FAM20C: variants seen among roughly 807,000 people sequenced by gnomAD.
FAM20C encodes the protein extracellular serine/threonine protein kinase FAM20C.
FAM20C carries 40 observed loss-of-function variants against 51.5 expected under a neutral mutation model. The observed-to-expected ratio is 0.78, with a 90% CI of 0.60 to 1.01. The LOEUF is 1.01. Among genes scored for constraint, FAM20C ranks in the 50% least tolerant of loss-of-function variants. FAM20C has a pLI of 0.00. For synonymous variants in FAM20C, 406 were observed against 380.6 expected, an observed-to-expected ratio of 1.07 and a Z score of -0.78; for missense variants, 861 against 844.7, an observed-to-expected ratio of 1.02 and a Z score of -0.24.
intron 3 of FAM20C, among the ~76,000 whole-genome samples, chr7:243,938 A>ATTATTATTATT (rs1554254448): frequency 3.5e-5 from 4 of 113,190 alleles, no homozygotes; most frequent in Admixed American, 8.7e-5. Flanking sequence ...TAATAATAAT[A>ATTATTATTATT]ATAATAATTA....
intron 6 of FAM20C, 194 bp from the exon 7 acceptor site, chr7:256,460 G>A (rs951153562): frequency 1.5e-5 from 9 of 602,340 alleles, no homozygotes; most frequent in African/African-American, 5.6e-5. Context: ...GGGTCACCCC[G>A]AGGCAGGGCA....
intron 8 of FAM20C, among the ~76,000 whole-genome samples, chr7:257,867 T>TA (rs1788663695): frequency 3.2e-5 from 1 of 31,192 alleles, no homozygotes; most frequent in African/African-American, 1.6e-4. Flanking sequence ...GTGCTGGAGA[T>TA]GGGGCTGGGT....
In FAM20C at chr7:259,961, G is replaced by T. The variant is rs1309638659; in HGVS notation, c.1736G>T (p.Arg579Ile). The change falls in exon 10 of 10, where the codon AGA becomes ATA. Residue 579 changes from arginine (R) to isoleucine (I), a missense_variant. Around this residue, in one of 3 missense-constraint regions of FAM20C, gnomAD observed 269 missense variants for 283.8 expected, o/e 0.95. Coordinates refer to ENST00000313766, the MANE Select transcript of FAM20C (RefSeq NM_020223.4). ...GATGACGACCTGGACACTGAGCACA[G>T]AGCCGCCTCGGCGAGGTAGTGTCCG... The part of the protein sequence containing the change: ...VVDDDLDTEH[R>I]AASAR 2.9e-5 allele frequency: 44 copies of T among 1,519,316 alleles called. No individual in the cohort carries two copies. The highest frequency in any genetic ancestry group is 3.4e-5 in the Non-Finnish European group (38 of 1,133,568). 94.1% of individuals were successfully genotyped at this position (1,519,316 alleles called of 1,614,324 possible).
At chr7:232,941 C>T (rs1488996334) in intron 3 of FAM20C, among the ~76,000 whole-genome samples, 1 of 152,244 alleles carries the variant, frequency 6.6e-6, no homozygotes, top group Admixed American at 6.5e-5. Flanking sequence ...GCAGCCCCAG[C>T]CTTCCTGAGA....
intron 3 of FAM20C, among the ~76,000 whole-genome samples, chr7:210,833 C>T (rs917364207): frequency 2.0e-5 from 3 of 152,182 alleles, no homozygotes; most frequent in Non-Finnish European, 4.4e-5. Flanking sequence ...GGTTGGAGAA[C>T]GGTGACATTT....
At chr7:194,959 G>A (rs1328422501) in intron 1 of FAM20C, among the ~76,000 whole-genome samples, 1 of 152,198 alleles carries the variant, frequency 6.6e-6, no homozygotes, top group Non-Finnish European at 1.5e-5. Flanking sequence ...CGTGGGCGGC[G>A]GGTCCTCCAT....
At chr7:217,947 G>C (rs1327145161) in intron 3 of FAM20C, among the ~76,000 whole-genome samples, 1 of 152,124 alleles carries the variant, frequency 6.6e-6, no homozygotes. Flanking sequence ...TGATGTTCCT[G>C]TTCGATAAGC....
intron 2 of FAM20C, 131 bp downstream of exon 2, chr7:195,863 A>G (rs1554246400): frequency 1.1e-6 from 1 of 884,038 alleles, no homozygotes; most frequent in Non-Finnish European, 1.5e-6. Flanking sequence ...CTCCTGCAGC[A>G]ATCTGCACGG....
At chr7:241,234 C>T (rs1478071125) in intron 3 of FAM20C, among the ~76,000 whole-genome samples, 1 of 152,156 alleles carries the variant, frequency 6.6e-6, no homozygotes, top group African/African-American at 2.4e-5. Context: ...GGCCCGAGGG[C>T]CTCGGGAGCG....
intron 4 of FAM20C, among the ~76,000 whole-genome samples, chr7:248,026 G>T (rs921046871): frequency 6.6e-6 from 1 of 152,234 alleles, no homozygotes; most frequent in Non-Finnish European, 1.5e-5. Flanking sequence ...TTTAAATTTA[G>T]CCCTGGAATG....
intron 5 of FAM20C, among the ~76,000 whole-genome samples, chr7:249,777 T>C (rs1462414506): frequency 6.6e-6 from 1 of 152,136 alleles, no homozygotes; most frequent in Non-Finnish European, 1.5e-5. Flanking sequence ...CATTTGTGGC[T>C]CTGCCGAGGG....
chr7:231,938 G>T (rs562305583), intron 3 of FAM20C, among the ~76,000 whole-genome samples: 3 of 152,096 alleles, frequency 2.0e-5, no homozygotes, highest in African/African-American at 7.2e-5. Context: ...TCCATCCTCC[G>T]GCCCCAGCAC....
At chr7:203,140 G>A (rs867313139) in intron 2 of FAM20C, among the ~76,000 whole-genome samples, 4 of 152,168 alleles carry the variant, frequency 2.6e-5, no homozygotes, top group Non-Finnish European at 4.4e-5. Context: ...CGCCTCAGCC[G>A]GCTTCATGGG....
At position 212,101 on chromosome 7, in the gene FAM20C, T is replaced by C. The variant is rs541199635; in HGVS notation, c.863+3125T>C. Among the ~76,000 whole-genome samples, 304 of 152,346 alleles carry C rather than the reference T, an allele frequency of 2.0e-3. 1 individual carries two copies. The highest frequency in any genetic ancestry group is 7.0e-3 in the African/African-American group (290 of 41,592). ...ATCGTTTCTTCTTCCGCAGAGGCTG[T>C]GGTTTGCATACGAAAGCAGCTGTGG... On this transcript the variant is annotated intron_variant, in intron 3 of 9. Coordinates refer to ENST00000313766, the MANE Select transcript of FAM20C (RefSeq NM_020223.4).
rs1444112683 is a variant in FAM20C, at chr7:206,926, G to A, written c.785-1972G>A. Among the ~76,000 whole-genome samples the A allele has an allele frequency of 1.0e-4, 5 of 48,992 alleles. 2 individuals carry two copies. Among genetic ancestry groups the A allele is most frequent in the Non-Finnish European group, 1.1e-4 (3 of 26,522 alleles). 32.1% of individuals were successfully genotyped at this position (48,992 alleles called of 152,430 possible). A position where few individuals can be genotyped will look rare whatever the true frequency, so the allele number is the denominator to read the frequency against. On this transcript the variant is annotated intron_variant, in intron 2 of 9. Coordinates refer to ENST00000313766, the MANE Select transcript of FAM20C (RefSeq NM_020223.4). ...CGTCGGTCACTGTCCCCTCGGCCCC[G>A]CACACGTGTCCACTGTGAGGCGTCG...
chr7:200,586 G>A (rs1045452043), intron 2 of FAM20C, among the ~76,000 whole-genome samples: 7 of 152,240 alleles, frequency 4.6e-5, no homozygotes, highest in Non-Finnish European at 8.8e-5. Context: ...CGCACCTGCC[G>A]ACTTTCCTTC....
chr7:195,446 T>G (rs1205366462), intron 1 of FAM20C, 108 bp from the exon 2 acceptor site: 3 of 1,157,970 alleles, frequency 2.6e-6, no homozygotes, highest in African/African-American at 3.2e-5. Context: ...ACATCTGCAC[T>G]TGCTTGAACC....
At chr7:208,732 A>C (rs1022446084) in intron 2 of FAM20C, among the ~76,000 whole-genome samples, 166 bp from the exon 3 acceptor site, 1 of 152,180 alleles carries the variant, frequency 6.6e-6, no homozygotes, top group African/African-American at 2.4e-5. Context: ...AGAATCCATC[A>C]GCCAGGCGAG....
chr7:241,919 G>A (rs1359131281), intron 3 of FAM20C, among the ~76,000 whole-genome samples: 1 of 152,146 alleles, frequency 6.6e-6, no homozygotes, highest in African/African-American at 2.4e-5. Flanking sequence ...GTGCACACGT[G>A]TTAATGTGCA....
Sources: allele counts gnomAD v4.1 joint callset (sites outside exome capture counted in the v4.1 genomes callset), GRCh38; gene constraint gnomAD v4.1.1; regional missense constraint gnomAD v4.1.1; transcripts MANE v1.5; gene names NCBI Gene and HGNC (gene_info 2026-07-23, HGNC 2026-07-21).